CCNDBP1: variants seen among roughly 807,000 people sequenced by gnomAD.
CCNDBP1 encodes the protein cyclin-D1-binding protein 1.
Under a neutral mutation model 46.2 loss-of-function variants are expected in CCNDBP1, and 45 were observed. That is an observed-to-expected ratio of 0.97 (90% CI 0.77 to 1.25). The LOEUF is 1.25. CCNDBP1 is among the 50% of genes most tolerant of loss of function. The pLI, the probability that CCNDBP1 is intolerant of heterozygous loss-of-function variation, is 0.00. For missense variants in CCNDBP1, 436 were observed against 442.1 expected (o/e 0.99, Z 0.12); for synonymous variants, 154 against 163.6 (o/e 0.94, Z 0.45).
At chr15:43,186,115 A>T in intron 2 of CCNDBP1, 39 bp from the exon 3 acceptor site, 2 of 1,571,822 alleles carry the variant, frequency 1.3e-6, no homozygotes, top group Non-Finnish European at 1.8e-6. Flanking sequence ...GTGCAGCACT[A>T]ACGTATTGGC....
Position 43,194,460 on chromosome 15 carries a change from A to C in CCNDBP1, c.967A>C (p.Lys323Gln). The change falls in exon 10 of 11, where the codon AAA (lysine) becomes CAA (glutamine). Residue 323 changes from lysine (K) to glutamine (Q), a missense_variant and splice_region_variant. Coordinates refer to ENST00000300213, the MANE Select transcript of CCNDBP1 (RefSeq NM_012142.5). ...SVLKKALEIT[K>Q]ASHVTPQPED... ...TTTAAAGAAGGCACTTGAAATTACA[A>C]AGTAAGTATGAAGACTTCTCAGATA... is the stretch of plus-strand genomic sequence containing the variant. 6.2e-7 allele frequency: 1 copy of C among 1,604,186 alleles called. No homozygotes were observed. Among genetic ancestry groups the C allele is most frequent in the East Asian group, 2.2e-5 (1 of 44,640 alleles).
rs567783540 is a variant in CCNDBP1, at chr15:43,192,795, C to A, written c.913C>A (p.Arg305=). The change falls in exon 9 of 11, where the codon CGA becomes AGA. Residue 305 remains arginine, a synonymous_variant. Coordinates refer to ENST00000300213, the MANE Select transcript of CCNDBP1 (RefSeq NM_012142.5). ...TCCACCTATGTGTCACCTGACCGTG[C>A]GAATCAATGTAAGTACTGGCTTTGA... ...IYPPMCHLTV[R]INSAKLVSVL... is the part of the protein sequence containing the mutation. 1.1e-5 allele frequency: 18 copies of A among 1,613,648 alleles called. No homozygotes were observed. Among genetic ancestry groups the A allele is most frequent in the Non-Finnish European group, 1.4e-5 (16 of 1,179,762 alleles).
chr15:43,195,850 C>G lies in CCNDBP1; in HGVS notation c.*1009C>G, dbSNP rs2042031907. The G allele has an allele frequency of 6.6e-6, 1 of 152,172 alleles. No homozygotes were observed. The highest frequency in any genetic ancestry group is 6.5e-5 in the Admixed American group (1 of 15,278). 9.4% of individuals were successfully genotyped at this position (152,172 alleles called of 1,614,324 possible). On this transcript the variant is annotated 3_prime_UTR_variant, in exon 11 of 11. Coordinates refer to ENST00000300213, the MANE Select transcript of CCNDBP1 (RefSeq NM_012142.5). ...GGTATAATCAGCAACAGCAGTCATT[C>G]TTTGAGTGACTAATGTATACTTGGG...
At chr15:43,189,134 A>G (rs2041906917) in intron 3 of CCNDBP1, 65 bp from the exon 4 acceptor site, 1 of 668,574 alleles carries the variant, frequency 1.5e-6, no homozygotes, top group Admixed American at 2.9e-5. Flanking sequence ...AAGAAAAGAA[A>G]TATCTGCTCT....
rs1006104746 is a variant in CCNDBP1, at chr15:43,196,679, C to G, written c.*1838C>G. The G allele has an allele frequency of 6.4e-6, 1 of 155,230 alleles. No individual in the cohort carries two copies. Among genetic ancestry groups the G allele is most frequent in the Non-Finnish European group, 1.4e-5 (1 of 69,954 alleles). The allele number at this position is 155,230 out of a possible 1,614,324, so 9.6% of individuals were successfully genotyped here. A position where few individuals can be genotyped will look rare whatever the true frequency, so the allele number is the denominator to read the frequency against. The stretch of plus-strand genomic sequence containing the variant: ...TATTAGAATGATTTAAGTGTTAGGT[C>G]CTTTCCCTTATCTGTAAGTTAATGA... On this transcript the variant is annotated 3_prime_UTR_variant, in exon 11 of 11. Transcript: ENST00000300213.
In CCNDBP1 at chr15:43,189,234, C is replaced by CA; in HGVS notation, c.286dup (p.Ile96AsnfsTer50). The CA allele has an allele frequency of 2.5e-6, 4 of 1,612,446 alleles. No homozygotes were observed. The highest frequency in any genetic ancestry group is 2.5e-6 in the Non-Finnish European group (3 of 1,179,138). Reference sequence around the variant, plus strand: ...AGTTCTGTGAACAAGTCCATGCTGCCATCAAGGCATTTATTGCAGTGTACT... The same window carrying CA: ...AGTTCTGTGAACAAGTCCATGCTGCCAATCAAGGCATTTATTGCAGTGTACT... On this transcript the variant is annotated frameshift_variant, in exon 4 of 11. Transcript: ENST00000300213. LOFTEE classifies it high-confidence loss of function.
intron 4 of CCNDBP1, 78 bp downstream of exon 4, chr15:43,189,358 A>G: frequency 1.2e-6 from 1 of 803,164 alleles, no homozygotes; most frequent in South Asian, 1.8e-5. Flanking sequence ...TTTTACCTTT[A>G]CCCAACTTGA....
Position 43,194,726 on chromosome 15 carries a change from G to T in CCNDBP1, c.969-1G>T. ...TTACTTCTTTCCTATTCTATTCACA[G>T]AGCAAGTCATGTGACCCCTCAGCCA... On this transcript the variant is annotated splice_acceptor_variant, in intron 10 of 10. Transcript: ENST00000300213. LOFTEE classifies it high-confidence loss of function. The T allele has an allele frequency of 6.3e-7, 1 of 1,584,586 alleles. No individual in the cohort carries two copies. Among genetic ancestry groups the T allele is most frequent in the Non-Finnish European group, 8.7e-7 (1 of 1,153,144 alleles).
chr15:43,194,920 G>C lies in CCNDBP1; in HGVS notation c.*79G>C. ...GATACCTGCTTTTAAAATGGAGCTA[G>C]AATGCTTGCTGGATTGAAAGGGAGT... On this transcript the variant is annotated 3_prime_UTR_variant, in exon 11 of 11. Coordinates refer to ENST00000300213, the MANE Select transcript of CCNDBP1 (RefSeq NM_012142.5). The C allele has an allele frequency of 1.1e-6, 1 of 879,770 alleles. No individual in the cohort carries two copies. The highest frequency in any genetic ancestry group is 1.9e-6 in the Non-Finnish European group (1 of 538,424). The allele number at this position is 879,770 out of a possible 1,614,324, so 54.5% of individuals were successfully genotyped here. A position where few individuals can be genotyped will look rare whatever the true frequency, so the allele number is the denominator to read the frequency against.
chr15:43,194,243 G>C, intron 9 of CCNDBP1, 172 bp from the exon 10 acceptor site: 1 of 519,972 alleles, frequency 1.9e-6, no homozygotes. Context: ...TTGCTAAATA[G>C]AAAAGAACCC....
Position 43,186,213 on chromosome 15 carries a change from C to T in CCNDBP1, c.229C>T (p.Leu77Phe), listed in dbSNP as rs757852174. 13 of 1,614,080 alleles carry T rather than the reference C, an allele frequency of 8.1e-6. No individual in the cohort carries two copies. The highest frequency in any genetic ancestry group is 5.0e-5 in the Admixed American group (3 of 60,032). Residue 77 changes from leucine (L) to phenylalanine (F), a missense_variant, in exon 3 of 11, where the codon CTT becomes TTT. Leu to Phe is a conservative substitution (Grantham distance 22, BLOSUM62 0). Coordinates refer to ENST00000300213, the MANE Select transcript of CCNDBP1 (RefSeq NM_012142.5). ...GACTCTGACCATAGTCTTCTCTCAG[C>T]TTCCACTGCCGTCTCCACAGGTGGG... ...ATTLTIVFSQ[L>F]PLPSPQETQK...
chr15:43,189,222 A>G lies in CCNDBP1; in HGVS notation c.273A>G (p.Gln91=). 1.2e-6 allele frequency: 2 copies of G among 1,612,576 alleles called. No homozygotes were observed. The highest frequency in any genetic ancestry group is 1.7e-6 in the Non-Finnish European group (2 of 1,179,196). ...AGGAAACCCAGAAGTTCTGTGAACA[A>G]GTCCATGCTGCCATCAAGGCATTTA... The part of the protein sequence containing the change: ...SPQETQKFCE[Q]VHAAIKAFIA... The change falls in exon 4 of 11, where the codon CAA becomes CAG. Residue 91 remains glutamine, a synonymous_variant. Transcript: ENST00000300213.
In CCNDBP1 at chr15:43,185,582, G is replaced by T; in HGVS notation, c.84G>T (p.Leu28=). ...AGCTCCGGCACTTGGCGGAGGAGCTGCGGTTGCTCCTGCCTCGAGTGCGGG... is the reference window on the plus strand; with the variant it reads ...AGCTCCGGCACTTGGCGGAGGAGCTTCGGTTGCTCCTGCCTCGAGTGCGGG... ...LEQLRHLAEE[L]RLLLPRVRVG... The change falls in exon 1 of 11, where the codon CTG becomes CTT. Residue 28 remains leucine, a synonymous_variant. Coordinates refer to ENST00000300213, the MANE Select transcript of CCNDBP1 (RefSeq NM_012142.5). 6.3e-7 allele frequency: 1 copy of T among 1,578,544 alleles called. No homozygotes were observed. Among genetic ancestry groups the T allele is most frequent in the Non-Finnish European group, 8.6e-7 (1 of 1,165,402 alleles).
In CCNDBP1 at chr15:43,190,877, A is replaced by G. The variant is rs556913887; in HGVS notation, c.503-89A>G. The G allele has an allele frequency of 4.0e-5, 43 of 1,071,402 alleles. No individual in the cohort carries two copies. The South Asian group carries it at 5.1e-4, about 13-fold the overall frequency. 66.4% of individuals were successfully genotyped at this position (1,071,402 alleles called of 1,614,324 possible). A position where few individuals can be genotyped will look rare whatever the true frequency, so the allele number is the denominator to read the frequency against. ...GTCAACCGTCCTTGGCACTCCCATC[A>G]ATAGGAACAATGTGATTGTTCCTTG... On this transcript the variant is annotated intron_variant, in intron 6 of 10. Transcript: ENST00000300213.
In CCNDBP1 at chr15:43,190,961, CATAGAT is replaced by C; in HGVS notation, c.503-3_505del. On this transcript the variant is annotated splice_acceptor_variant and splice_polypyrimidine_tract_variant and coding_sequence_variant and intron_variant, in exon 7 of 11. Transcript: ENST00000300213. LOFTEE classifies it high-confidence loss of function. ...ATTCTAGTGCTTCTGATTTTTCACT[CATAGAT>C]AACAAAGCTGCAGCTCTTTTGATGC... 1 of 1,612,218 alleles carries C rather than the reference CATAGAT, an allele frequency of 6.2e-7. No homozygotes were observed. The highest frequency in any genetic ancestry group is 8.5e-7 in the Non-Finnish European group (1 of 1,178,310).
Position 43,191,343 on chromosome 15 carries a change from C to CTT in CCNDBP1, c.580-31_580-30dup, listed in dbSNP as rs3214529. 8.6e-4 allele frequency: 590 copies of CTT among 682,152 alleles called. 1 individual carries two copies. Among genetic ancestry groups the CTT allele is most frequent in the Middle Eastern group, 2.2e-3 (5 of 2,302 alleles). 42.3% of individuals were successfully genotyped at this position (682,152 alleles called of 1,614,324 possible). A position where few individuals can be genotyped will look rare whatever the true frequency, so the allele number is the denominator to read the frequency against. On this transcript the variant is annotated intron_variant, in intron 7 of 10. Coordinates refer to ENST00000300213, the MANE Select transcript of CCNDBP1 (RefSeq NM_012142.5). ...GTAAAAGTATAATAATAGGCCTCGC[C>CTT]TTTTTTTTTTTTTTTTTTTTTTGCA...
chr15:43,192,702 G>C, intron 8 of CCNDBP1, 41 bp from the exon 9 acceptor site: 1 of 1,586,942 alleles, frequency 6.3e-7, no homozygotes, highest in Non-Finnish European at 8.7e-7. Context: ...CAACCTGGCT[G>C]CGTTTTTTTG....
chr15:43,185,720 GGGC>G, intron 1 of CCNDBP1, 97 bp from the exon 2 acceptor site: 1 of 1,443,890 alleles, frequency 6.9e-7, no homozygotes, highest in Non-Finnish European at 9.3e-7. Flanking sequence ...GGGCGGGCTG[GGGC>G]GGCGGCGGGG....
In CCNDBP1 at chr15:43,185,635, C is replaced by CG. The variant is rs1214304524; in HGVS notation, c.109+30dup. The CG allele has an allele frequency of 3.8e-5, 23 of 603,436 alleles. 1 individual carries two copies. The East Asian group carries it at 1.9e-3, about 51-fold the overall frequency. The allele number at this position is 603,436 out of a possible 1,614,324, so 37.4% of individuals were successfully genotyped here. A position where few individuals can be genotyped will look rare whatever the true frequency, so the allele number is the denominator to read the frequency against. ...GAGCTGACGGAGTTAGAACGGGCGA[C>CG]GGCAGGGGCGGGCTCGGGGTCGGGG... is the stretch of plus-strand genomic sequence containing the variant. On this transcript the variant is annotated intron_variant, in intron 1 of 10. Transcript: ENST00000300213.
Sources: allele counts gnomAD v4.1 joint callset, GRCh38; gene constraint gnomAD v4.1.1; transcripts MANE v1.5; gene names NCBI Gene and HGNC (gene_info 2026-07-23, HGNC 2026-07-21).